Variants in CCDC178 observed in about 807,000 individuals in gnomAD.
CCDC178 encodes the protein coiled-coil domain containing 178, also known as coiled-coil domain-containing protein 178.
A neutral mutation model predicts 117.4 loss-of-function variants in CCDC178; 126 were observed. That is an observed-to-expected ratio of 1.07 (90% CI 0.93 to 1.24). The LOEUF (loss-of-function observed/expected upper bound fraction) is 1.24. Among genes scored for constraint, CCDC178 ranks in the 50% most tolerant of loss-of-function variants. The probability of loss-of-function intolerance (pLI) is 0.00; values close to 1 mark genes in which losing one functional copy is unlikely to be tolerated. For synonymous variants in CCDC178, 283 were observed against 313.4 expected (o/e 0.90, Z 1.02); for missense variants, 1,030 against 986.9 (o/e 1.04, Z -0.59).
intron 22 of CCDC178, among the ~76,000 whole-genome samples, chr18:32,950,399 C>T (rs907516038): frequency 7.9e-5 from 12 of 152,136 alleles, no homozygotes; most frequent in African/African-American, 2.9e-4. Context: ...TTTGTGGGAT[C>T]ACTCATTTCT....
intron 21 of CCDC178, among the ~76,000 whole-genome samples, chr18:33,039,768 A>G (rs2056513160): frequency 6.6e-6 from 1 of 152,012 alleles, no homozygotes; most frequent in Non-Finnish European, 1.5e-5. Context: ...CAGAAACGAA[A>G]TAGTACCCAA....
chr18:33,216,636 A>T (rs112386577), intron 18 of CCDC178, among the ~76,000 whole-genome samples: 1 of 152,082 alleles, frequency 6.6e-6, no homozygotes, highest in Admixed American at 6.6e-5. Flanking sequence ...CAAGAATAAC[A>T]ACTAATATTT....
intron 6 of CCDC178, among the ~76,000 whole-genome samples, chr18:33,368,934 A>G (rs2063258578): frequency 6.6e-6 from 1 of 151,980 alleles, no homozygotes; most frequent in African/African-American, 2.4e-5. Flanking sequence ...ATTTATTAAA[A>G]TACCTATGAT....
chr18:33,012,836 T>C (rs921368831), intron 21 of CCDC178, among the ~76,000 whole-genome samples: 1 of 152,152 alleles, frequency 6.6e-6, no homozygotes, highest in African/African-American at 2.4e-5. Flanking sequence ...GAATAAAAAA[T>C]GATTGAGTCC....
chr18:33,008,699 T>C (rs2055799405), intron 21 of CCDC178, among the ~76,000 whole-genome samples: 2 of 152,090 alleles, frequency 1.3e-5, no homozygotes, highest in African/African-American at 4.8e-5. Context: ...TCTACTCCAA[T>C]CAGATTTTTT....
chr18:33,360,280 A>C (rs2063107970), intron 6 of CCDC178, among the ~76,000 whole-genome samples: 1 of 150,454 alleles, frequency 6.6e-6, no homozygotes, highest in Non-Finnish European at 1.5e-5. Flanking sequence ...TATAATATAT[A>C]ATTATATAAT....
intron 21 of CCDC178, among the ~76,000 whole-genome samples, chr18:33,024,726 C>G (rs1163080786): frequency 1.3e-5 from 2 of 151,840 alleles, no homozygotes; most frequent in African/African-American, 2.4e-5. Context: ...TCACTGCAAG[C>G]TCCACCTCCC....
At chr18:33,192,369 C>A (rs1254468537) in intron 20 of CCDC178, among the ~76,000 whole-genome samples, 1 of 152,150 alleles carries the variant, frequency 6.6e-6, no homozygotes, top group African/African-American at 2.4e-5. Context: ...AGACACTAAA[C>A]TGAATTTTCT....
At chr18:33,171,974 G>C (rs550750590) in intron 20 of CCDC178, among the ~76,000 whole-genome samples, 1 of 152,064 alleles carries the variant, frequency 6.6e-6, no homozygotes. Flanking sequence ...GCAGTGGCAC[G>C]AACTCGGCTT....
chr18:33,197,975 T>C (rs2058951194), intron 20 of CCDC178, among the ~76,000 whole-genome samples: 1 of 152,222 alleles, frequency 6.6e-6, no homozygotes, highest in Non-Finnish European at 1.5e-5. Context: ...TTTCATTTTC[T>C]CTCAAACTGT....
intron 18 of CCDC178, among the ~76,000 whole-genome samples, chr18:33,217,110 G>A (rs2059175779): frequency 6.6e-6 from 1 of 152,032 alleles, no homozygotes; most frequent in Admixed American, 6.6e-5. Flanking sequence ...ATGCTCATAA[G>A]CAAGATCACC....
intron 22 of CCDC178, among the ~76,000 whole-genome samples, chr18:32,940,437 TG>T (rs1291033549): frequency 6.6e-6 from 1 of 152,052 alleles, no homozygotes; most frequent in Non-Finnish European, 1.5e-5. Flanking sequence ...TTTTACTTTT[TG>T]TTCCTAGATT....
chr18:33,134,225 A>T (rs2058099993), intron 20 of CCDC178, among the ~76,000 whole-genome samples: 1 of 151,988 alleles, frequency 6.6e-6, no homozygotes, highest in Non-Finnish European at 1.5e-5. Context: ...ACTCACACAT[A>T]TGGTTATAAA....
intron 15 of CCDC178, 41 bp downstream of exon 15, chr18:33,245,201 CTCT>C: frequency 7.0e-7 from 1 of 1,433,970 alleles, no homozygotes; most frequent in Non-Finnish European, 9.3e-7. Context: ...AGGTAAATTA[CTCT>C]TTTTTTCATC....
intron 8 of CCDC178, among the ~76,000 whole-genome samples, chr18:33,348,036 A>G (rs1435814177): frequency 3.9e-5 from 6 of 151,968 alleles, no homozygotes; most frequent in Admixed American, 3.9e-4. Context: ...AGCTAATGGA[A>G]TTGTAGTTGT....
At chr18:33,306,071 C>T (rs1193622982) in intron 11 of CCDC178, among the ~76,000 whole-genome samples, 2 of 152,198 alleles carry the variant, frequency 1.3e-5, no homozygotes, top group Non-Finnish European at 2.9e-5. Context: ...CTGTCTTCCT[C>T]TTTCCTTCTC....
At chr18:33,087,151 G>A (rs1409284849) in intron 21 of CCDC178, among the ~76,000 whole-genome samples, 1 of 151,916 alleles carries the variant, frequency 6.6e-6, no homozygotes. Flanking sequence ...AAAACAAAAT[G>A]TTCATTGCTA....
At chr18:33,331,026 CTTTT>C (rs67153629) in intron 10 of CCDC178, among the ~76,000 whole-genome samples, 20 of 45,048 alleles carry the variant, frequency 4.4e-4, no homozygotes, top group South Asian at 3.2e-3. Flanking sequence ...ACAAACATTG[CTTTT>C]TTTTTTTTTT....
intron 21 of CCDC178, among the ~76,000 whole-genome samples, chr18:33,075,585 C>T (rs947320185): frequency 6.6e-6 from 1 of 152,002 alleles, no homozygotes; most frequent in Non-Finnish European, 1.5e-5. Flanking sequence ...TTTAAACAAG[C>T]AAAGAACAAA....
Sources: allele counts gnomAD v4.1 joint callset (sites outside exome capture counted in the v4.1 genomes callset), GRCh38; gene constraint gnomAD v4.1.1; transcripts MANE v1.5; gene names NCBI Gene and HGNC (gene_info 2026-07-23, HGNC 2026-07-21).